Variants in NCK2 observed in about 807,000 individuals in gnomAD.
The protein encoded by NCK2 is cytoplasmic protein NCK2.
NCK2 carries 16 observed loss-of-function variants against 33.9 expected under a neutral mutation model. That is an observed-to-expected ratio of 0.47 (90% confidence interval 0.32 to 0.72). The LOEUF (loss-of-function observed/expected upper bound fraction) is 0.72. NCK2 is among the 30% of genes least tolerant of loss of function. NCK2 has a pLI of 0.03. For synonymous variants in NCK2, 273 were observed against 239.9 expected (o/e 1.14, Z -1.27); for missense variants, 418 against 537.3 (o/e 0.78, Z 2.19).
At chr2:105,878,636 A>T (rs1299095607) in intron 3 of NCK2, among the ~76,000 whole-genome samples, 1 of 152,206 alleles carries the variant, frequency 6.6e-6, no homozygotes, top group Non-Finnish European at 1.5e-5. Context: ...AGTCTATGGT[A>T]CTTATCATGG....
At chr2:105,798,299 G>T (rs1691156676) in intron 1 of NCK2, among the ~76,000 whole-genome samples, 1 of 152,166 alleles carries the variant, frequency 6.6e-6, no homozygotes, top group Non-Finnish European at 1.5e-5. Context: ...TGGGAGCCCG[G>T]ATAGCCTCAC....
chr2:105,856,777 A>G (rs543986192), intron 3 of NCK2: 46 of 152,310 alleles, frequency 3.0e-4, no homozygotes, highest in Non-Finnish European at 1.3e-4. Flanking sequence ...TTGATTAGCA[A>G]TATGCTCCTT....
chr2:105,867,608 G>A (rs1436266564), intron 3 of NCK2, among the ~76,000 whole-genome samples: 3 of 152,262 alleles, frequency 2.0e-5, no homozygotes, highest in South Asian at 4.1e-4. Flanking sequence ...GGTGGGGTCC[G>A]TACCCTTGGA....
At chr2:105,760,403 G>T (rs1689731045) in intron 1 of NCK2, among the ~76,000 whole-genome samples, 1 of 152,186 alleles carries the variant, frequency 6.6e-6, no homozygotes, top group Admixed American at 6.5e-5. Flanking sequence ...GAGTTCCCCA[G>T]GTGATTCTGA....
chr2:105,862,943 T>A (rs1461700981), intron 3 of NCK2, among the ~76,000 whole-genome samples: 3 of 151,736 alleles, frequency 2.0e-5, no homozygotes, highest in Non-Finnish European at 4.4e-5. Flanking sequence ...AAGTTTGGCA[T>A]AAGCCTTTAA....
intron 2 of NCK2, among the ~76,000 whole-genome samples, chr2:105,833,644 TTTTA>T (rs1423355659): frequency 2.7e-5 from 4 of 150,512 alleles, no homozygotes; most frequent in African/African-American, 7.2e-5. Context: ...ATAAACAACT[TTTTA>T]TTTAATTGAT....
chr2:105,750,544 A>G (rs1689425757), intron 1 of NCK2, among the ~76,000 whole-genome samples: 1 of 152,142 alleles, frequency 6.6e-6, no homozygotes, highest in Admixed American at 6.5e-5. Context: ...GGGGACACCT[A>G]CCAGGGATGG....
intron 1 of NCK2, among the ~76,000 whole-genome samples, chr2:105,796,893 T>C (rs1193423883): frequency 6.6e-6 from 1 of 152,086 alleles, no homozygotes; most frequent in African/African-American, 2.4e-5. Context: ...CTCTCAGGAG[T>C]TGTCTTGATA....
At chr2:105,806,081 G>A (rs188862260) in intron 1 of NCK2, among the ~76,000 whole-genome samples, 136 of 151,884 alleles carry the variant, frequency 9.0e-4, no homozygotes, top group African/African-American at 3.0e-3. Flanking sequence ...GTTAGGTGTC[G>A]AATTTTTTAC....
intron 1 of NCK2, among the ~76,000 whole-genome samples, chr2:105,750,037 A>AGCACAC (rs1553449506): frequency 1.4e-5 from 2 of 144,456 alleles, no homozygotes; most frequent in African/African-American, 5.2e-5. Flanking sequence ...AAAGCAAACA[A>AGCACAC]ACACACACAC....
intron 1 of NCK2, among the ~76,000 whole-genome samples, chr2:105,792,796 CAGGCCG>C (rs954160011): frequency 1.3e-5 from 2 of 152,184 alleles, no homozygotes; most frequent in African/African-American, 4.8e-5. Context: ...GTGCATCTAT[CAGGCCG>C]AGGCCCATGT....
At chr2:105,827,344 A>C (rs1187703395) in intron 2 of NCK2, among the ~76,000 whole-genome samples, 1 of 152,308 alleles carries the variant, frequency 6.6e-6, no homozygotes, top group Non-Finnish European at 1.5e-5. Context: ...CAGAGCTGTG[A>C]AATAAGAAGT....
chr2:105,887,093 CAGCT>C (rs1424151113), intron 4 of NCK2, among the ~76,000 whole-genome samples: 1 of 152,196 alleles, frequency 6.6e-6, no homozygotes, highest in African/African-American at 2.4e-5. Context: ...GGTCAACTGA[CAGCT>C]AGCAGCATAA....
chr2:105,859,078 C>T (rs988221329), intron 3 of NCK2, among the ~76,000 whole-genome samples: 1 of 152,206 alleles, frequency 6.6e-6, no homozygotes, highest in African/African-American at 2.4e-5. Context: ...ACTGCAACTC[C>T]ACTTAGAAAA....
intron 1 of NCK2, among the ~76,000 whole-genome samples, chr2:105,783,229 T>C (rs1292127682): frequency 2.6e-5 from 4 of 152,190 alleles, no homozygotes; most frequent in Non-Finnish European, 5.9e-5. Flanking sequence ...CTTTTGAAGA[T>C]GGAAAGTAAT....
At chr2:105,763,880 A>G (rs995969572) in intron 1 of NCK2, among the ~76,000 whole-genome samples, 3 of 152,238 alleles carry the variant, frequency 2.0e-5, no homozygotes, top group African/African-American at 7.2e-5. Flanking sequence ...GGAACTATAA[A>G]TACCAGCTGC....
At chr2:105,744,806 G>GGAGCGCGGGAGGAGGAGGAA (rs1689204730), upstream of NCK2, 1 of 150,064 alleles carries the variant, frequency 6.7e-6, no homozygotes, top group Non-Finnish European at 1.5e-5. Context: ...CGGCCGGGGA[G>GGAGCGCGGGAGGAGGAGGAA]GAGCGCGGGA....
chr2:105,783,896 A>T (rs893807552), intron 1 of NCK2, among the ~76,000 whole-genome samples: 2 of 152,066 alleles, frequency 1.3e-5, no homozygotes, highest in African/African-American at 4.8e-5. Flanking sequence ...TAGCAATCTG[A>T]AATGTGGATA....
intron 4 of NCK2, among the ~76,000 whole-genome samples, chr2:105,884,605 G>A (rs911140806): frequency 6.6e-6 from 1 of 152,136 alleles, no homozygotes; most frequent in Non-Finnish European, 1.5e-5. Context: ...CTTGCTTGAC[G>A]ATATTGAGGG....
Sources: allele counts gnomAD v4.1 joint callset (sites outside exome capture counted in the v4.1 genomes callset), GRCh38; gene constraint gnomAD v4.1.1; transcripts MANE v1.5; gene names NCBI Gene and HGNC (gene_info 2026-07-23, HGNC 2026-07-21).